The following GRB7 variants were observed in gnomAD, a reference collection of about 807,000 sequenced individuals.
The protein encoded by GRB7 is growth factor receptor bound protein 7.
A neutral mutation model predicts 64.1 loss-of-function variants in GRB7; 47 were observed. The ratio of observed to expected loss-of-function variants is 0.73; its 90% CI spans 0.58 to 0.94. GRB7 has a LOEUF of 0.94. Among genes scored for constraint, GRB7 ranks in the 40% least tolerant of loss-of-function variants. The probability of loss-of-function intolerance (pLI) is 0.00; values close to 1 mark genes in which losing one functional copy is unlikely to be tolerated. For missense variants in GRB7, 634 were observed against 718.4 expected (o/e 0.88, Z 1.34); for synonymous variants, 277 against 279.9 (o/e 0.99, Z 0.10).
intron 6 of GRB7, among the ~76,000 whole-genome samples, chr17:39,743,819 CAAAAAAAAAAA>C (rs35101034): frequency 4.8e-5 from 2 of 41,674 alleles, no homozygotes; most frequent in East Asian, 7.2e-4. Flanking sequence ...CTCGTCTCTC[CAAAAAAAAAAA>C]AAAAAAAAAA....
At chr17:39,743,554 C>T (rs2060016202) in intron 6 of GRB7, 84 bp downstream of exon 6, 1 of 1,097,920 alleles carries the variant, frequency 9.1e-7, no homozygotes, top group Non-Finnish European at 1.4e-6. Flanking sequence ...CTGTGCCTCC[C>T]CTCTATGTTG....
chr17:39,745,625 G>T, intron 11 of GRB7, 87 bp downstream of exon 11: 7 of 1,547,850 alleles, frequency 4.5e-6, no homozygotes, highest in African/African-American at 1.4e-5. Flanking sequence ...AAGAGAGGGC[G>T]GGGGGAGGCC....
At position 39,742,382 on chromosome 17, in the gene GRB7, T is replaced by G; in HGVS notation, c.81T>G (p.Thr27=). ...LCPAPGTPPG[T]PRPPDTPLPE... is the part of the protein sequence containing the mutation. ...CAGCCCCTGGGACCCCTCCTGGGACTCCCCGGCCCCCTGATACCCCTCTGC... is the reference window on the plus strand; with the variant it reads ...CAGCCCCTGGGACCCCTCCTGGGACGCCCCGGCCCCCTGATACCCCTCTGC... The change falls in exon 2 of 15, where the codon ACT becomes ACG. Residue 27 remains threonine (T), a synonymous_variant. Transcript: ENST00000309156. The G allele has an allele frequency of 1.2e-6, 2 of 1,613,934 alleles. No individual in the cohort carries two copies. The highest frequency in any genetic ancestry group is 2.2e-5 in the South Asian group (2 of 91,080).
At chr17:39,746,691 AG>A (rs1342972621) in intron 14 of GRB7, 59 bp from the exon 15 acceptor site, 12 of 1,578,930 alleles carry the variant, frequency 7.6e-6, no homozygotes, top group Admixed American at 1.8e-5. Context: ...CTGGCCCAGG[AG>A]GGAGCTTCCC....
intron 14 of GRB7, 107 bp from the exon 15 acceptor site, chr17:39,746,634 GAAAAAGAAAA>G: frequency 7.9e-7 from 1 of 1,263,810 alleles, no homozygotes. Flanking sequence ...AAAAAAGAAA[GAAAAAGAAAA>G]AGAAAAAAGA....
intron 6 of GRB7, 108 bp downstream of exon 6, chr17:39,743,578 A>C: frequency 2.3e-6 from 2 of 870,168 alleles, no homozygotes; most frequent in Non-Finnish European, 3.9e-6. Flanking sequence ...AAAGAGCCAA[A>C]TCACAGTCCT....
chr17:39,739,109 G>A, intron 1 of GRB7: 1 of 491,528 alleles, frequency 2.0e-6, no homozygotes, highest in Admixed American at 3.4e-5. Context: ...GCAGATTGAG[G>A]ACAGAGAATG....
Position 39,744,112 on chromosome 17 carries a change from C to T in GRB7, c.706C>T (p.Leu236=). ...CAGCTTTCCTGAGATCCAGGGCTTT[C>T]TGCAGCTGCGGGGTTCAGGACGGAA... ...AGSFPEIQGF[L]QLRGSGRKLW... The change falls in exon 7 of 15, where the codon CTG becomes TTG. Residue 236 remains leucine (L), a synonymous_variant. Transcript: ENST00000309156. 6.2e-7 allele frequency: 1 copy of T among 1,614,210 alleles called. No homozygotes were observed. The highest frequency in any genetic ancestry group is 2.2e-5 in the East Asian group (1 of 44,886).
Position 39,742,282 on chromosome 17 carries a change from C to T in GRB7, c.-20C>T, listed in dbSNP as rs1200174313. On this transcript the variant is annotated 5_prime_UTR_variant, in exon 2 of 15. Coordinates refer to ENST00000309156, the MANE Select transcript of GRB7 (RefSeq NM_005310.5). ...GGGCACACAACTGGTTCCGTTAAGC[C>T]CCTCTCTTGCTCAGACGCCATGGAG... 6.2e-7 allele frequency: 1 copy of T among 1,613,888 alleles called. No homozygotes were observed.
intron 6 of GRB7, 61 bp from the exon 7 acceptor site, chr17:39,744,009 G>C: frequency 6.3e-7 from 1 of 1,585,912 alleles, no homozygotes; most frequent in Non-Finnish European, 8.6e-7. Context: ...AAACATCCTG[G>C]TGGTAGAGGG....
chr17:39,744,338 C>A, intron 7 of GRB7, 131 bp downstream of exon 7: 1 of 1,115,686 alleles, frequency 9.0e-7, no homozygotes, highest in Non-Finnish European at 1.3e-6. Flanking sequence ...AGTTTACCAT[C>A]TCTCCCTACA....
In GRB7 at chr17:39,742,699, G is replaced by C. The variant is rs746907475; in HGVS notation, c.289G>C (p.Asp97His). 4.5e-6 allele frequency: 7 copies of C among 1,565,340 alleles called. No individual in the cohort carries two copies. The South Asian group carries it at 7.1e-5, about 16-fold the overall frequency. Residue 97 changes from aspartate to histidine, a missense_variant, in exon 3 of 15, where the codon GAT (aspartate) becomes CAT (histidine). Around this residue, in one of 2 missense-constraint regions of GRB7, gnomAD observed 167 missense variants for 141.9 expected, o/e 1.18. Transcript: ENST00000309156. Reference protein sequence around the residue: ...PSSARGLLPRDASRPHVVKVY... With the variant: ...PSSARGLLPRHASRPHVVKVY... Reference sequence around the variant, plus strand: ...CAGTGCAAGGGGGCTGCTCCCCCGCGATGCCAGCCGCCCCCATGTGAGTTG... The same window carrying C: ...CAGTGCAAGGGGGCTGCTCCCCCGCCATGCCAGCCGCCCCCATGTGAGTTG...
In GRB7 at chr17:39,744,198, C is replaced by T; in HGVS notation, c.792C>T (p.Gly264=). The change falls in exon 7 of 15, where the codon GGC becomes GGT. Residue 264 remains glycine, a synonymous_variant. Coordinates refer to ENST00000309156, the MANE Select transcript of GRB7 (RefSeq NM_005310.5). ...RRSGLYYSTK[G]TSKDPRHLQY... ...CTGGCCTCTATTACTCCACCAAGGG[C>T]ACCTCTAAGGTAAGGTCTTGAGGGT... The T allele has an allele frequency of 6.2e-7, 1 of 1,613,954 alleles. No individual in the cohort carries two copies. Among genetic ancestry groups the T allele is most frequent in the Non-Finnish European group, 8.5e-7 (1 of 1,179,994 alleles).
intron 6 of GRB7, 123 bp from the exon 7 acceptor site, chr17:39,743,947 C>T (rs1440130717): frequency 1.2e-5 from 15 of 1,258,838 alleles, no homozygotes; most frequent in African/African-American, 6.1e-5. Flanking sequence ...GAGCTGTGAT[C>T]GTGCCACCGC....
At chr17:39,739,083 G>T (rs911187050) in intron 1 of GRB7, 39 of 553,732 alleles carry the variant, frequency 7.0e-5, no homozygotes, top group East Asian at 5.2e-4. Context: ...CCAGGTTCCC[G>T]GTCTGGGTCT....
intron 1 of GRB7, chr17:39,738,335 G>A (rs1358217877): frequency 1.3e-5 from 2 of 152,298 alleles, no homozygotes; most frequent in Admixed American, 6.5e-5. Flanking sequence ...TTAAGGGCCT[G>A]GCGTCTCCCT....
chr17:39,745,903 C>T lies in GRB7; in HGVS notation c.1271-10C>T. The T allele has an allele frequency of 6.2e-7, 1 of 1,613,930 alleles. No homozygotes were observed. Among genetic ancestry groups the T allele is most frequent in the East Asian group, 2.2e-5 (1 of 44,870 alleles). ...CCCAAAGTGACCGCCCATGTCCTTC[C>T]CCACCACAGCCATCCACCGCACCCA... On this transcript the variant is annotated splice_polypyrimidine_tract_variant and intron_variant, in intron 12 of 14. Transcript: ENST00000309156.
In GRB7 at chr17:39,746,136, G is replaced by A. The variant is rs772137297; in HGVS notation, c.1386G>A (p.Arg462=). The A allele has an allele frequency of 3.1e-6, 5 of 1,614,076 alleles. No individual in the cohort carries two copies. In the South Asian group the frequency reaches 4.4e-5, roughly 14 times the overall value. ...DGLFLVRESQ[R]NPQGFVLSLC... ...TGTTCCTGGTCCGGGAGAGTCAGCGGAACCCCCAGGGCTTTGTCCTCTCTT... is the reference window on the plus strand; with the variant it reads ...TGTTCCTGGTCCGGGAGAGTCAGCGAAACCCCCAGGGCTTTGTCCTCTCTT... Residue 462 remains arginine (R), a synonymous_variant, in exon 14 of 15, where the codon CGG becomes CGA. Coordinates refer to ENST00000309156, the MANE Select transcript of GRB7 (RefSeq NM_005310.5).
At chr17:39,739,017 G>T (rs2059973601) in intron 1 of GRB7, 6 of 1,051,358 alleles carry the variant, frequency 5.7e-6, no homozygotes, top group Non-Finnish European at 5.4e-6. Flanking sequence ...GGCCTGGGGA[G>T]AGTGGGGTGG....
Sources: gnomAD v4.1 joint callset for allele counts (sites outside exome capture counted in the v4.1 genomes callset) on GRCh38, gnomAD v4.1.1 for gene constraint, gnomAD v4.1.1 regional missense constraint, MANE v1.5 for transcripts, NCBI Gene and HGNC (gene_info 2026-07-23, HGNC 2026-07-21) for gene names.